Variants in NUP98 observed in about 807,000 individuals in gnomAD.
The protein encoded by NUP98 is nucleoporin 98 and 96 precursor.
A neutral mutation model predicts 191.9 loss-of-function variants in NUP98; 26 were observed. The ratio of observed to expected loss-of-function variants is 0.14; its 90% CI spans 0.10 to 0.19. The LOEUF (loss-of-function observed/expected upper bound fraction) is 0.19. Ranked by LOEUF, NUP98 falls within the 10% of genes least tolerant of loss-of-function variation. NUP98 has a pLI of 1.00. For synonymous variants in NUP98, 808 were observed against 778.4 expected, an observed-to-expected ratio of 1.04 and a Z score of -0.63; for missense variants, 1,941 against 2,178.8, an observed-to-expected ratio of 0.89 and a Z score of 2.17.
intron 1 of NUP98, among the ~76,000 whole-genome samples, chr11:3,791,471 T>C (rs914093888): frequency 5.8e-5 from 8 of 137,364 alleles, no homozygotes; most frequent in South Asian, 2.3e-4. Flanking sequence ...AAGGCGGAGG[T>C]TGCAGTGAGT....
In NUP98 at chr11:3,719,422, C is replaced by T. The variant is rs139946113; in HGVS notation, c.2389G>A (p.Gly797Arg). ...DDNQKPPVGE[G>R]LNRKAEVTLD... ...TACATAAACTCTTACCTATTTAGCC[C>T]TTCACCCACAGGTGGTTTTTGGTTA... Residue 797 changes from glycine (G) to arginine (R), a missense_variant, in exon 18 of 33, where the codon GGG becomes AGG. Physicochemically the swap from Gly to Arg is moderately radical, Grantham distance 125. Around this residue, in one of 6 missense-constraint regions of NUP98, gnomAD observed 95 missense variants for 139.7 expected, o/e 0.68. Coordinates refer to ENST00000324932, the MANE Select transcript of NUP98 (RefSeq NM_016320.5). 2.1e-5 allele frequency: 34 copies of T among 1,594,784 alleles called. No homozygotes were observed. The highest frequency in any genetic ancestry group is 2.5e-5 in the Non-Finnish European group (29 of 1,174,532).
intron 11 of NUP98, among the ~76,000 whole-genome samples, chr11:3,752,177 AT>A: frequency 6.6e-6 from 1 of 151,664 alleles, no homozygotes; most frequent in East Asian, 1.9e-4. Flanking sequence ...AAAAATAAAA[AT>A]AAAAACCACA....
intron 14 of NUP98, among the ~76,000 whole-genome samples, chr11:3,727,693 C>A (rs1161961120): frequency 6.6e-6 from 1 of 152,076 alleles, no homozygotes; most frequent in Non-Finnish European, 1.5e-5. Flanking sequence ...GAAACACCAT[C>A]TCTACTATAA....
intron 7 of NUP98, among the ~76,000 whole-genome samples, chr11:3,770,530 C>G (rs755483955): frequency 2.7e-5 from 4 of 148,762 alleles, no homozygotes; most frequent in Non-Finnish European, 6.0e-5. Context: ...TTAAATATAA[C>G]TTAGATAAAT....
intron 18 of NUP98, among the ~76,000 whole-genome samples, chr11:3,717,407 A>G (rs2079223893): frequency 6.6e-6 from 1 of 151,664 alleles, no homozygotes; most frequent in Non-Finnish European, 1.5e-5. Context: ...CAAGTCATTT[A>G]CCTCCCTGGT....
rs1462360754 is a variant in NUP98 at position 3,711,910 on chromosome 11, T to A, written c.2742+654A>T. 2.9e-6 allele frequency: 3 copies of A among 1,039,028 alleles called. No homozygotes were observed. The South Asian group carries it at 1.4e-4, about 48-fold the overall frequency. The allele number at this position is 1,039,028 out of a possible 1,614,324, so 64.4% of individuals were successfully genotyped here. On this transcript the variant is annotated intron_variant, in intron 20 of 32. Coordinates refer to ENST00000324932, the MANE Select transcript of NUP98 (RefSeq NM_016320.5). Reference sequence around the variant, plus strand: ...GCCATAAGAATTATAGCATGGAAAATACCAAAGGTCTAGCTTTCAGCAGCT... The same window carrying A: ...GCCATAAGAATTATAGCATGGAAAAAACCAAAGGTCTAGCTTTCAGCAGCT...
Position 3,686,086 on chromosome 11 carries a change from G to C in NUP98, c.4563C>G (p.Thr1521=), listed in dbSNP as rs901407301. ...CACCTTCACACTGCGCTGAGAGATG[G>C]GTGTAGTTAAGAGCCCTCAGCACTT... ...LWEVLRALNY[T]HLSAQCEGVL... is the part of the protein sequence containing the mutation. The change falls in exon 29 of 33, where the codon ACC becomes ACG. Residue 1521 remains threonine (T), a synonymous_variant. Transcript: ENST00000324932. 6.2e-7 allele frequency: 1 copy of C among 1,614,048 alleles called. No individual in the cohort carries two copies. The highest frequency in any genetic ancestry group is 8.5e-7 in the Non-Finnish European group (1 of 1,180,026).
intron 23 of NUP98, 39 bp downstream of exon 23, chr11:3,702,424 T>C (rs377304069): frequency 6.4e-6 from 10 of 1,565,504 alleles, no homozygotes; most frequent in Admixed American, 3.5e-5. Context: ...TCACCTATCA[T>C]GTTGCCTTTC....
chr11:3,778,049 A>T (rs2081810574), intron 4 of NUP98, among the ~76,000 whole-genome samples: 1 of 151,738 alleles, frequency 6.6e-6, no homozygotes, highest in Non-Finnish European at 1.5e-5. Flanking sequence ...ATACAAAAAA[A>T]TTAGCCGGGC....
In NUP98 at chr11:3,730,600, G is replaced by C. The variant is rs139741489; in HGVS notation, c.1730+791C>G. On this transcript the variant is annotated intron_variant, in intron 14 of 32. Transcript: ENST00000324932. ...GCTGATCTCAAACTCCTGACCTCCAGTGATCCACCCACCTCGGCCAGCCAA... is the reference window on the plus strand; with the variant it reads ...GCTGATCTCAAACTCCTGACCTCCACTGATCCACCCACCTCGGCCAGCCAA... 5.1e-3 allele frequency among the ~76,000 whole-genome samples: 773 copies of C among 152,256 alleles called. 5 individuals carry two copies. The highest frequency in any genetic ancestry group is 0.01 in the Middle Eastern group (3 of 294).
Position 3,686,447 on chromosome 11 carries a change from T to G in NUP98, c.4455-253A>C, listed in dbSNP as rs530006379. On this transcript the variant is annotated intron_variant, in intron 28 of 32. Coordinates refer to ENST00000324932, the MANE Select transcript of NUP98 (RefSeq NM_016320.5). The stretch of plus-strand genomic sequence containing the variant: ...CAGGTTTGCTGGTAATGGTTTGGCG[T>G]ATGTATTTTACCATCCTGATACAGG... 2.6e-5 allele frequency among the ~76,000 whole-genome samples: 4 copies of G among 152,366 alleles called. No homozygotes were observed. The South Asian group carries it at 8.3e-4, about 32-fold the overall frequency.
chr11:3,742,431 T>C (rs960487822), intron 12 of NUP98, among the ~76,000 whole-genome samples: 3 of 152,136 alleles, frequency 2.0e-5, no homozygotes, highest in Non-Finnish European at 4.4e-5. Flanking sequence ...CCAGGTGCGG[T>C]GGCTCACACC....
At chr11:3,750,380 GCCACCT>G (rs2080702279) in intron 11 of NUP98, among the ~76,000 whole-genome samples, 2 of 152,132 alleles carry the variant, frequency 1.3e-5, no homozygotes, top group Non-Finnish European at 2.9e-5. Flanking sequence ...ACAGGCATGA[GCCACCT>G]CATCCAGCTC....
chr11:3,702,921 A>G, intron 22 of NUP98, 29 bp from the exon 23 acceptor site: 1 of 1,543,630 alleles, frequency 6.5e-7, no homozygotes, highest in Non-Finnish European at 8.8e-7. Context: ...GAAGGGGAGA[A>G]AGACTATTAC....
At chr11:3,745,136 A>T (rs956869624) in intron 11 of NUP98, among the ~76,000 whole-genome samples, 1 of 152,224 alleles carries the variant, frequency 6.6e-6, no homozygotes, top group Non-Finnish European at 1.5e-5. Flanking sequence ...TGCCACCTAT[A>T]ATAAAACAGG....
At chr11:3,692,648 AT>A (rs1041364463) in intron 27 of NUP98, among the ~76,000 whole-genome samples, 4 of 152,036 alleles carry the variant, frequency 2.6e-5, no homozygotes, top group Non-Finnish European at 5.9e-5. Context: ...GATTTTAAAC[AT>A]TTTTTGGTCA....
Position 3,771,730 on chromosome 11 carries a change from A to G in NUP98, c.784+18T>C, listed in dbSNP as rs755511819. 6.2e-6 allele frequency: 10 copies of G among 1,609,814 alleles called. No homozygotes were observed. Among genetic ancestry groups the G allele is most frequent in the South Asian group, 1.1e-5 (1 of 90,978 alleles). On this transcript the variant is annotated intron_variant, in intron 7 of 32. Coordinates refer to ENST00000324932, the MANE Select transcript of NUP98 (RefSeq NM_016320.5). ...CTGTCTCTCCTCAGTATAATCTAAC[A>G]TGATATCAAGTGCTTACTAGTTCCA...
chr11:3,775,044 C>T (rs539132259), intron 5 of NUP98, among the ~76,000 whole-genome samples: 1 of 152,288 alleles, frequency 6.6e-6, no homozygotes, highest in Middle Eastern at 3.4e-3. Context: ...CATCAAGTGG[C>T]ATTCCACATG....
intron 18 of NUP98, among the ~76,000 whole-genome samples, chr11:3,717,440 ATTCT>A (rs2079225740): frequency 6.6e-6 from 1 of 152,074 alleles, no homozygotes; most frequent in African/African-American, 2.4e-5. Flanking sequence ...TGTATATTTT[ATTCT>A]TTTTGATGCT....
Sources: allele counts gnomAD v4.1 joint callset (sites outside exome capture counted in the v4.1 genomes callset), GRCh38; gene constraint gnomAD v4.1.1; regional missense constraint gnomAD v4.1.1; transcripts MANE v1.5; gene names NCBI Gene and HGNC (gene_info 2026-07-23, HGNC 2026-07-21).